Variants in DLG2 observed in about 807,000 individuals in gnomAD.
DLG2 encodes discs large MAGUK scaffold protein 2.
DLG2 carries 45 observed loss-of-function variants against 132.5 expected under a neutral mutation model. The observed-to-expected ratio is 0.34, with a 90% CI of 0.27 to 0.44. DLG2 has a LOEUF of 0.44. Ranked by LOEUF, DLG2 falls within the 20% of genes least tolerant of loss-of-function variation. The pLI, the probability that DLG2 is intolerant of heterozygous loss-of-function variation, is 1.00. For missense variants in DLG2, 1,045 were observed against 1,196.9 expected, an observed-to-expected ratio of 0.87 and a Z score of 1.87; for synonymous variants, 424 against 419.6, an observed-to-expected ratio of 1.01 and a Z score of -0.13.
At chr11:85,479,896 C>T (rs1386577875) in intron 3 of DLG2, among the ~76,000 whole-genome samples, 2 of 152,164 alleles carry the variant, frequency 1.3e-5, no homozygotes, top group Non-Finnish European at 1.5e-5. Flanking sequence ...GTTCAAATTT[C>T]TCCTTCTTAT....
At chr11:85,186,641 C>G (rs941721923) in intron 4 of DLG2, among the ~76,000 whole-genome samples, 1 of 152,030 alleles carries the variant, frequency 6.6e-6, no homozygotes, top group Non-Finnish European at 1.5e-5. Flanking sequence ...AACATAGATA[C>G]GTAGTAGTGT....
At chr11:85,127,393 C>A (rs910087006) in intron 5 of DLG2, among the ~76,000 whole-genome samples, 2 of 151,782 alleles carry the variant, frequency 1.3e-5, no homozygotes, top group Non-Finnish European at 2.9e-5. Flanking sequence ...GATATTTATC[C>A]CTGCCTACCC....
intron 16 of DLG2, among the ~76,000 whole-genome samples, chr11:83,834,241 AAGATTCTG>A (rs754883686): frequency 6.6e-6 from 1 of 152,198 alleles, no homozygotes; most frequent in Non-Finnish European, 1.5e-5. Flanking sequence ...GGCTCATTAG[AAGATTCTG>A]AGACATTAAG....
At chr11:84,588,721 C>T (rs1322782244) in intron 6 of DLG2, among the ~76,000 whole-genome samples, 1 of 144,376 alleles carries the variant, frequency 6.9e-6, no homozygotes, top group South Asian at 2.2e-4. Context: ...AGACAGGTTG[C>T]AATAAAGAAG....
chr11:84,957,413 G>A (rs969217013), intron 6 of DLG2, among the ~76,000 whole-genome samples: 2 of 152,094 alleles, frequency 1.3e-5, no homozygotes, highest in Non-Finnish European at 2.9e-5. Context: ...AGATAAAGTA[G>A]GGTTTTAGAA....
At chr11:84,673,027 C>G (rs913622037) in intron 6 of DLG2, among the ~76,000 whole-genome samples, 1 of 151,998 alleles carries the variant, frequency 6.6e-6, no homozygotes. Flanking sequence ...TTAACGAGAA[C>G]TCACTCACTG....
At chr11:84,534,465 A>G (rs904570086) in intron 7 of DLG2, 105 bp downstream of exon 7, 4 of 1,188,324 alleles carry the variant, frequency 3.4e-6, no homozygotes, top group East Asian at 2.3e-5. Context: ...GTCCTCTATC[A>G]TGTTTTAAAA....
chr11:84,366,995 G>A (rs970225189), intron 7 of DLG2, among the ~76,000 whole-genome samples: 2 of 151,908 alleles, frequency 1.3e-5, no homozygotes, highest in African/African-American at 4.8e-5. Flanking sequence ...CTCCACCCCA[G>A]ATCAACAGAA....
chr11:85,199,242 C>T (rs1748325612), intron 4 of DLG2, among the ~76,000 whole-genome samples: 1 of 152,084 alleles, frequency 6.6e-6, no homozygotes, highest in Non-Finnish European at 1.5e-5. Flanking sequence ...CTAATGCATA[C>T]AAAAACATGG....
chr11:85,088,651 A>T (rs549796886), intron 6 of DLG2, among the ~76,000 whole-genome samples: 1 of 152,312 alleles, frequency 6.6e-6, no homozygotes, highest in South Asian at 2.1e-4. Context: ...GTATTTTATT[A>T]TATTAAACAA....
intron 3 of DLG2, among the ~76,000 whole-genome samples, chr11:85,340,226 C>T (rs1330473912): frequency 6.6e-6 from 1 of 152,164 alleles, no homozygotes; most frequent in African/African-American, 2.4e-5. Flanking sequence ...ATAGCAAAGA[C>T]TTGGAACCAA....
At chr11:84,816,659 A>G (rs1366195699) in intron 6 of DLG2, among the ~76,000 whole-genome samples, 1 of 151,976 alleles carries the variant, frequency 6.6e-6, no homozygotes, top group African/African-American at 2.4e-5. Flanking sequence ...TTCACTAAGA[A>G]GGAAACAGAG....
intron 21 of DLG2, among the ~76,000 whole-genome samples, chr11:83,528,892 G>C (rs1367278733): frequency 6.6e-6 from 1 of 152,084 alleles, no homozygotes; most frequent in African/African-American, 2.4e-5. Context: ...GAAGAGTTCT[G>C]GAAAAGTAAC....
At chr11:84,756,984 T>A (rs1322233988) in intron 6 of DLG2, among the ~76,000 whole-genome samples, 3 of 152,200 alleles carry the variant, frequency 2.0e-5, no homozygotes, top group Non-Finnish European at 4.4e-5. Flanking sequence ...GAATCATAAT[T>A]CCTGGTGTAC....
intron 7 of DLG2, among the ~76,000 whole-genome samples, chr11:84,411,617 G>C (rs1248396754): frequency 6.6e-6 from 1 of 152,000 alleles, no homozygotes; most frequent in Non-Finnish European, 1.5e-5. Flanking sequence ...ATAAGTAAGA[G>C]GTGGATGGTA....
chr11:84,818,684 A>G (rs149668119), intron 6 of DLG2, among the ~76,000 whole-genome samples: 6 of 152,038 alleles, frequency 3.9e-5, no homozygotes, highest in Non-Finnish European at 5.9e-5. Context: ...AAGCTCAGGC[A>G]CACAAAAATT....
chr11:85,412,074 A>G (rs967856963), intron 3 of DLG2, among the ~76,000 whole-genome samples: 1 of 151,866 alleles, frequency 6.6e-6, no homozygotes, highest in Admixed American at 6.6e-5. Flanking sequence ...TCATGTTTAA[A>G]TCATGTCCTA....
At chr11:84,042,405 A>G (rs2096113369) in intron 11 of DLG2, among the ~76,000 whole-genome samples, 1 of 151,790 alleles carries the variant, frequency 6.6e-6, no homozygotes, top group East Asian at 1.9e-4. Flanking sequence ...ATTATTGCTC[A>G]TTAATTTTTC....
At chr11:83,974,957 A>T (rs777948915) in intron 12 of DLG2, among the ~76,000 whole-genome samples, 1 of 151,998 alleles carries the variant, frequency 6.6e-6, no homozygotes, top group African/African-American at 2.4e-5. Context: ...CTCACTGACA[A>T]TTTTTTCTTC....
Sources: allele counts gnomAD v4.1 joint callset (sites outside exome capture counted in the v4.1 genomes callset), GRCh38; gene constraint gnomAD v4.1.1; transcripts MANE v1.5; gene names NCBI Gene and HGNC (gene_info 2026-07-23, HGNC 2026-07-21).